Variants in TRIO observed in about 807,000 individuals in gnomAD.
The protein encoded by TRIO is triple functional domain protein.
TRIO carries 58 observed loss-of-function variants against 351.9 expected under a neutral mutation model. That is an observed-to-expected ratio of 0.16 (90% CI 0.13 to 0.21). The LOEUF (loss-of-function observed/expected upper bound fraction) is 0.21, where lower values mean the gene tolerates loss of function less well. Among genes scored for constraint, TRIO ranks in the 10% least tolerant of loss-of-function variants. The pLI, the probability that TRIO is intolerant of heterozygous loss-of-function variation, is 1.00. For synonymous variants in TRIO, 1,758 were observed against 1,595.7 expected, an observed-to-expected ratio of 1.10 and a Z score of -2.42; for missense variants, 3,201 against 4,027.8, an observed-to-expected ratio of 0.79 and a Z score of 5.56.
chr5:14,333,260 A>G (rs1427834719), intron 10 of TRIO, among the ~76,000 whole-genome samples: 1 of 152,168 alleles, frequency 6.6e-6, no homozygotes, highest in Non-Finnish European at 1.5e-5. Flanking sequence ...GTCCAGAGAA[A>G]TCCACAGCAC....
At chr5:14,349,627 C>T (rs1561375238) in intron 11 of TRIO, among the ~76,000 whole-genome samples, 1 of 152,190 alleles carries the variant, frequency 6.6e-6, no homozygotes, top group Non-Finnish European at 1.5e-5. Context: ...TTGAAGAAGC[C>T]AATCCTGTTT....
At chr5:14,162,722 GTAT>G (rs1173710796) in intron 1 of TRIO, among the ~76,000 whole-genome samples, 3 of 152,220 alleles carry the variant, frequency 2.0e-5, no homozygotes, top group African/African-American at 7.2e-5. Context: ...CTGTTTGCAA[GTAT>G]TATATGATCA....
chr5:14,396,472 T>C (rs1237320766), intron 28 of TRIO, among the ~76,000 whole-genome samples: 1 of 57,140 alleles, frequency 1.8e-5, no homozygotes, highest in Non-Finnish European at 3.3e-5. Flanking sequence ...TTTTTTTTTT[T>C]TTTTTTTTTT....
intron 1 of TRIO, among the ~76,000 whole-genome samples, chr5:14,266,005 T>C: frequency 6.6e-6 from 1 of 152,180 alleles, no homozygotes. Flanking sequence ...AATATATTTA[T>C]TTGTTGGTTG....
At chr5:14,338,065 C>T (rs893465460) in intron 11 of TRIO, among the ~76,000 whole-genome samples, 4 of 152,280 alleles carry the variant, frequency 2.6e-5, no homozygotes, top group Non-Finnish European at 5.9e-5. Context: ...GGACATTGTT[C>T]TGTGGCAGTT....
chr5:14,346,346 C>A (rs1241113711), intron 11 of TRIO, among the ~76,000 whole-genome samples: 1 of 152,174 alleles, frequency 6.6e-6, no homozygotes, highest in Admixed American at 6.5e-5. Flanking sequence ...AAGCAAAAGC[C>A]CCAAATGGTG....
chr5:14,426,013 T>A (rs907393378), intron 34 of TRIO, among the ~76,000 whole-genome samples: 1 of 152,214 alleles, frequency 6.6e-6, no homozygotes, highest in African/African-American at 2.4e-5. Context: ...TTTATCTCAA[T>A]AATATATTTC....
At chr5:14,325,295 A>G (rs1399772381) in intron 9 of TRIO, among the ~76,000 whole-genome samples, 1 of 152,186 alleles carries the variant, frequency 6.6e-6, no homozygotes, top group African/African-American at 2.4e-5. Context: ...TTCTAAAGAA[A>G]ACAGGTTTAT....
Position 14,320,940 on chromosome 5 carries a change from C to T in TRIO, c.1731+4197C>T, listed in dbSNP as rs1873428. Among the ~76,000 whole-genome samples the T allele has an allele frequency of 9.0e-3, 1,365 of 152,266 alleles. 9 individuals carry two copies. The highest frequency in any genetic ancestry group is 0.015 in the Non-Finnish European group (1,003 of 68,014). ...AGGAGTGAGGGGTGGATGAAACTTGCGACCTCTTCTGTGGTGTCTGATTGC... is the reference window on the plus strand; with the variant it reads ...AGGAGTGAGGGGTGGATGAAACTTGTGACCTCTTCTGTGGTGTCTGATTGC... On this transcript the variant is annotated intron_variant, in intron 9 of 56. Coordinates refer to ENST00000344204, the MANE Select transcript of TRIO (RefSeq NM_007118.4).
chr5:14,296,341 G>C (rs1358664919), intron 6 of TRIO, among the ~76,000 whole-genome samples: 1 of 152,218 alleles, frequency 6.6e-6, no homozygotes, highest in Non-Finnish European at 1.5e-5. Flanking sequence ...CTGCGATACT[G>C]AGCCTTAAAG....
At chr5:14,185,373 C>A (rs1450073282) in intron 1 of TRIO, among the ~76,000 whole-genome samples, 1 of 152,230 alleles carries the variant, frequency 6.6e-6, no homozygotes, top group Non-Finnish European at 1.5e-5. Context: ...CTTCCTGGGC[C>A]TAACTGGGGT....
At chr5:14,359,966 C>T (rs1743991174) in intron 13 of TRIO, among the ~76,000 whole-genome samples, 1 of 152,022 alleles carries the variant, frequency 6.6e-6, no homozygotes, top group African/African-American at 2.4e-5. Flanking sequence ...TCTCATCCTT[C>T]CCACTCTCCT....
At chr5:14,217,450 C>G (rs1052741394) in intron 1 of TRIO, among the ~76,000 whole-genome samples, 45 of 152,246 alleles carry the variant, frequency 3.0e-4, no homozygotes, top group African/African-American at 1.1e-3. Flanking sequence ...TTTCTTCTCC[C>G]TCGTGCTGTC....
In TRIO at chr5:14,497,101, G is replaced by A. The variant is rs1579833513; in HGVS notation, c.8019+84G>A. ...AGGGCAGAGACTCTGCAGACCTGAA[G>A]CTGGGCTTGCTTATGACCTCCCTCC... On this transcript the variant is annotated intron_variant, in intron 50 of 56. Coordinates refer to ENST00000344204, the MANE Select transcript of TRIO (RefSeq NM_007118.4). The surrounding 1 kb of genome is among the most constrained non-coding windows in gnomAD (Gnocchi z 4.4). 9 of 1,544,046 alleles carry A rather than the reference G, an allele frequency of 5.8e-6. No individual in the cohort carries two copies. Among genetic ancestry groups the A allele is most frequent in the Non-Finnish European group, 7.9e-6 (9 of 1,145,274 alleles).
rs747731735 is a variant in TRIO at position 14,297,174 on chromosome 5, G to C, written c.1279G>C (p.Glu427Gln). The C allele has an allele frequency of 6.2e-7, 1 of 1,614,236 alleles. No individual in the cohort carries two copies. The highest frequency in any genetic ancestry group is 1.1e-5 in the South Asian group (1 of 91,080). Residue 427 changes from glutamate (E) to glutamine (Q), a missense_variant, in exon 7 of 57, where the codon GAG becomes CAG. Transcript: ENST00000344204. The part of the protein sequence containing the change: ...QQIRQIASQL[E>Q]QEWKAFAAAL... ...GATCAGGCAGATCGCGAGTCAGCTG[G>C]AGCAGGAGTGGAAGGCGTTTGCGGC...
intron 1 of TRIO, among the ~76,000 whole-genome samples, chr5:14,160,565 C>G (rs934943873): frequency 2.6e-5 from 4 of 152,320 alleles, no homozygotes; most frequent in African/African-American, 7.2e-5. Flanking sequence ...GGCAGATTCT[C>G]TCTTTTGGCC....
intron 11 of TRIO, among the ~76,000 whole-genome samples, chr5:14,340,397 G>GAAA (rs33944910): frequency 1.1e-4 from 14 of 131,514 alleles, no homozygotes; most frequent in African/African-American, 2.6e-4. Flanking sequence ...ACTCCGTCTG[G>GAAA]AAAAAAAAAA....
At chr5:14,226,901 C>CAGCTCTCCTCCTCCCTGATTTT (rs1554037067) in intron 1 of TRIO, among the ~76,000 whole-genome samples, 1 of 151,556 alleles carries the variant, frequency 6.6e-6, no homozygotes, top group Non-Finnish European at 1.5e-5. Flanking sequence ...TCCCTGGTTT[C>CAGCTCTCCTCCTCCCTGATTTT]TGCAGCTCTC....
chr5:14,495,989 C>T (rs1464742881), intron 49 of TRIO, among the ~76,000 whole-genome samples: 1 of 152,066 alleles, frequency 6.6e-6, no homozygotes, highest in Non-Finnish European at 1.5e-5. Flanking sequence ...TTGCCACACC[C>T]ACTCCAGCCT....
Sources: allele counts gnomAD v4.1 joint callset (sites outside exome capture counted in the v4.1 genomes callset), GRCh38; gene constraint gnomAD v4.1.1; non-coding constraint Gnocchi (gnomAD v3.1); transcripts MANE v1.5; gene names NCBI Gene and HGNC (gene_info 2026-07-23, HGNC 2026-07-21).